ARRDC4: variants seen among roughly 807,000 people sequenced by gnomAD.
ARRDC4 encodes arrestin domain containing 4.
A neutral mutation model predicts 44.6 loss-of-function variants in ARRDC4; 40 were observed. The observed-to-expected ratio is 0.90, with a 90% CI of 0.70 to 1.17. The LOEUF is 1.17. Ranked by LOEUF, ARRDC4 falls within the 50% of genes most tolerant of loss-of-function variation. The pLI is 0.00. For missense variants in ARRDC4, 550 were observed against 559.1 expected (o/e 0.98, Z 0.16); for synonymous variants, 211 against 221.2 (o/e 0.95, Z 0.41).
rs967702690 is a variant in ARRDC4, at chr15:97,970,947, C to G, written c.1201-184C>G. 6.6e-6 allele frequency among the ~76,000 whole-genome samples: 1 copy of G among 152,048 alleles called. No homozygotes were observed. The highest frequency in any genetic ancestry group is 2.1e-4 in the South Asian group (1 of 4,820). On this transcript the variant is annotated intron_variant, in intron 7 of 7. Transcript: ENST00000268042. This position sits in a 1 kb window ranked among gnomAD's most constrained non-coding sequence, Gnocchi z 4.2. ...TCCTTGTGATCTATGGCATCAGATA[C>G]AGTATTGTGGATTGCCTTTAAGGTG...
At chr15:97,969,676 A>AG (rs1345007634) in intron 5 of ARRDC4, among the ~76,000 whole-genome samples, 1 of 152,192 alleles carries the variant, frequency 6.6e-6, no homozygotes, top group Non-Finnish European at 1.5e-5. Flanking sequence ...ATGCATGTTA[A>AG]GGACACAGTT....
At chr15:97,963,725 T>C (rs371414626) in intron 1 of ARRDC4, among the ~76,000 whole-genome samples, 2 of 152,332 alleles carry the variant, frequency 1.3e-5, no homozygotes, top group South Asian at 2.1e-4. Flanking sequence ...CCCGGTCTCT[T>C]TGAGGATTAT....
At chr15:97,969,483 C>A in intron 5 of ARRDC4, 104 bp downstream of exon 5, 1 of 1,266,468 alleles carries the variant, frequency 7.9e-7, no homozygotes, top group Non-Finnish European at 1.1e-6. Flanking sequence ...CATTTTATTT[C>A]AGCATTAACA....
At chr15:97,963,281 G>A (rs1040144712) in intron 1 of ARRDC4, among the ~76,000 whole-genome samples, 4 of 152,152 alleles carry the variant, frequency 2.6e-5, no homozygotes, top group African/African-American at 9.7e-5. Context: ...AGCAGAAATG[G>A]GCACATGGTT....
Position 97,970,270 on chromosome 15 carries a change from A to C in ARRDC4, c.1045+225A>C, listed in dbSNP as rs114082306. 1.1e-3 allele frequency among the ~76,000 whole-genome samples: 167 copies of C among 152,300 alleles called. No homozygotes were observed. Among genetic ancestry groups the C allele is most frequent in the African/African-American group, 4.0e-3 (166 of 41,568 alleles). Reference sequence around the variant, plus strand: ...GATAGCAGATTCAGGAATAAGATGTACATTTCCTAATTCCTATTTGTAATA... The same window carrying C: ...GATAGCAGATTCAGGAATAAGATGTCCATTTCCTAATTCCTATTTGTAATA... On this transcript the variant is annotated intron_variant, in intron 6 of 7. Coordinates refer to ENST00000268042, the MANE Select transcript of ARRDC4 (RefSeq NM_183376.3). The surrounding 1 kb of genome is among the most constrained non-coding windows in gnomAD (Gnocchi z 4.2).
In ARRDC4 at chr15:97,967,961, G is replaced by A; in HGVS notation, c.523-53G>A. On this transcript the variant is annotated intron_variant, in intron 3 of 7. Transcript: ENST00000268042. The surrounding 1 kb of genome is among the most constrained non-coding windows in gnomAD (Gnocchi z 5.0). The stretch of plus-strand genomic sequence containing the variant: ...AGATAGATATAATTTTAAGTTCTAT[G>A]AGTTCTCTAGAGTGGCTTAATTAAG... The A allele has an allele frequency of 8.9e-7, 1 of 1,129,220 alleles. No individual in the cohort carries two copies. Among genetic ancestry groups the A allele is most frequent in the Admixed American group, 2.4e-5 (1 of 40,896 alleles). 70.0% of individuals were successfully genotyped at this position (1,129,220 alleles called of 1,614,324 possible).
intron 1 of ARRDC4, among the ~76,000 whole-genome samples, chr15:97,961,670 G>A (rs1025019808): frequency 6.6e-6 from 1 of 152,206 alleles, no homozygotes; most frequent in Non-Finnish European, 1.5e-5. Flanking sequence ...TTCAAAGGAA[G>A]TGTTTTCCAG....
rs1212562678 is a variant in ARRDC4, at chr15:97,968,715, TATTA to T, written c.626-404_626-401del. On this transcript the variant is annotated intron_variant, in intron 4 of 7. Coordinates refer to ENST00000268042, the MANE Select transcript of ARRDC4 (RefSeq NM_183376.3). The surrounding 1 kb of genome is among the most constrained non-coding windows in gnomAD (Gnocchi z 5.4). ...GTTGATTCTTTCTGTGCCTTAACAT[TATTA>T]ATTCCTTAAAAGCAAAGGCTTTGTT... Among the ~76,000 whole-genome samples the T allele has an allele frequency of 6.6e-6, 1 of 150,380 alleles. No individual in the cohort carries two copies. Among genetic ancestry groups the T allele is most frequent in the Non-Finnish European group, 1.5e-5 (1 of 67,168 alleles).
chr15:97,971,004 A>G, intron 7 of ARRDC4, 127 bp from the exon 8 acceptor site: 1 of 1,093,670 alleles, frequency 9.1e-7, no homozygotes, highest in Non-Finnish European at 1.4e-6. Flanking sequence ...AGAGAACTTA[A>G]GCACCTTCTG....
At position 97,966,752 on chromosome 15, in the gene ARRDC4, T is replaced by G. The variant is rs573826399; in HGVS notation, c.522+710T>G. 6.6e-6 allele frequency among the ~76,000 whole-genome samples: 1 copy of G among 152,210 alleles called. No individual in the cohort carries two copies. Among genetic ancestry groups the G allele is most frequent in the Non-Finnish European group, 1.5e-5 (1 of 68,024 alleles). On this transcript the variant is annotated intron_variant, in intron 3 of 7. Transcript: ENST00000268042. The surrounding 1 kb of genome is among the most constrained non-coding windows in gnomAD (Gnocchi z 4.7). ...ATCAAAATAATATAAAATTATACCT[T>G]GTACTTTCATGATAGCTACTAGGAC...
At chr15:97,961,924 T>G (rs1200379816) in intron 1 of ARRDC4, among the ~76,000 whole-genome samples, 1 of 152,176 alleles carries the variant, frequency 6.6e-6, no homozygotes, top group Non-Finnish European at 1.5e-5. Context: ...CAGTTCACAG[T>G]GTAGACTTTT....
rs1899303608 is a variant in ARRDC4, at chr15:97,961,018, C to A, written c.157C>A (p.Arg53Ser). The A allele has an allele frequency of 7.0e-7, 1 of 1,438,174 alleles. No homozygotes were observed. Among genetic ancestry groups the A allele is most frequent in the Non-Finnish European group, 9.1e-7 (1 of 1,095,418 alleles). 89.1% of individuals were successfully genotyped at this position (1,438,174 alleles called of 1,614,324 possible). A position where few individuals can be genotyped will look rare whatever the true frequency, so the allele number is the denominator to read the frequency against. The change falls in exon 1 of 8, where the codon CGC becomes AGC. Residue 53 changes from arginine (R) to serine (S), a missense_variant. By Grantham distance (110) the Arg-to-Ser change is moderately radical. Transcript: ENST00000268042. ...LLEASEPVAL[R>S]ALRLEAQGRA... ...GGAGGCGTCCGAGCCGGTGGCCCTG[C>A]GCGCGCTGCGCCTGGAGGCCCAGGG...
rs553267091 is a variant in ARRDC4 at position 97,970,687 on chromosome 15, C to G, written c.1144C>G (p.Pro382Ala). 2 of 1,613,562 alleles carry G rather than the reference C, an allele frequency of 1.2e-6. No individual in the cohort carries two copies. Among genetic ancestry groups the G allele is most frequent in the South Asian group, 2.2e-5 (2 of 91,044 alleles). Residue 382 changes from proline (P) to alanine (A), a missense_variant, in exon 7 of 8, where the codon CCT becomes GCT. Transcript: ENST00000268042. This position sits in a 1 kb window ranked among gnomAD's most constrained non-coding sequence, Gnocchi z 4.2. The part of the protein sequence containing the change: ...PPNCEGEVCC[P>A]VFACIQEFRF... Reference sequence around the variant, plus strand: ...TAACTGTGAGGGAGAAGTGTGCTGTCCTGTGTTTGCCTGTATACAAGAATT... The same window carrying G: ...TAACTGTGAGGGAGAAGTGTGCTGTGCTGTGTTTGCCTGTATACAAGAATT...
chr15:97,961,233 C>T, intron 1 of ARRDC4, 65 bp downstream of exon 1: 3 of 1,317,226 alleles, frequency 2.3e-6, no homozygotes, highest in Non-Finnish European at 1.9e-6. Context: ...GGCTGGGAGG[C>T]CGCGCACCCT....
In ARRDC4 at chr15:97,965,288, G is replaced by T. The variant is rs1899396409; in HGVS notation, c.308-312G>T. 1.3e-5 allele frequency among the ~76,000 whole-genome samples: 2 copies of T among 152,116 alleles called. No homozygotes were observed. On this transcript the variant is annotated intron_variant, in intron 1 of 7. Transcript: ENST00000268042. The surrounding 1 kb of genome is among the most constrained non-coding windows in gnomAD (Gnocchi z 5.1). ...CTCTGGAAAGAATTATTAAAAATTAGTCAAGAACCATGGCACATGCATATA... is the reference window on the plus strand; with the variant it reads ...CTCTGGAAAGAATTATTAAAAATTATTCAAGAACCATGGCACATGCATATA...
At chr15:97,963,009 T>C (rs139939861) in intron 1 of ARRDC4, among the ~76,000 whole-genome samples, 2 of 152,358 alleles carry the variant, frequency 1.3e-5, no homozygotes, top group African/African-American at 2.4e-5. Context: ...CATATTTTTA[T>C]TGAGAAACTG....
rs377139426 is a variant in ARRDC4 at position 97,969,953 on chromosome 15, A to G, written c.953A>G (p.Tyr318Cys). The change falls in exon 6 of 8, where the codon TAT becomes TGT. Residue 318 changes from tyrosine to cysteine, a missense_variant. Coordinates refer to ENST00000268042, the MANE Select transcript of ARRDC4 (RefSeq NM_183376.3). ...ELPLVIGTIP[Y>C]NGFGSRNSSI... ...CCATTAGTGATCGGTACAATTCCAT[A>G]TAATGGTTTTGGCAGCAGAAACTCC... is the stretch of plus-strand genomic sequence containing the variant. 4.7e-5 allele frequency: 75 copies of G among 1,612,202 alleles called. 1 individual carries two copies. The highest frequency in any genetic ancestry group is 3.3e-4 in the East Asian group (15 of 44,840).
rs1179472625 is a variant in ARRDC4, at chr15:97,960,856, G to A, written c.-6G>A. ...CCTCAGGGGCAGGAAAGAGTCGCCC[G>A]GCGGGATGGGCGGGGAGGCTGGGTG... On this transcript the variant is annotated 5_prime_UTR_variant, in exon 1 of 8. Transcript: ENST00000268042. 7 of 1,348,206 alleles carry A rather than the reference G, an allele frequency of 5.2e-6. No homozygotes were observed. Among genetic ancestry groups the A allele is most frequent in the East Asian group, 6.2e-5 (2 of 32,034 alleles). The allele number at this position is 1,348,206 out of a possible 1,614,324, so 83.5% of individuals were successfully genotyped here.
At position 97,966,052 on chromosome 15, in the gene ARRDC4, TC is replaced by T; in HGVS notation, c.522+12del. 1 of 1,613,882 alleles carries T rather than the reference TC, an allele frequency of 6.2e-7. No homozygotes were observed. The highest frequency in any genetic ancestry group is 1.1e-5 in the South Asian group (1 of 91,036). ...CACACCAGCATTATTAGTAAGTTCT[TC>T]CTTTTTCTCTTCCTCCTCCTTTTCC... On this transcript the variant is annotated intron_variant, in intron 3 of 7. Coordinates refer to ENST00000268042, the MANE Select transcript of ARRDC4 (RefSeq NM_183376.3). This position sits in a 1 kb window ranked among gnomAD's most constrained non-coding sequence, Gnocchi z 4.7.
Sources: gnomAD v4.1 joint callset for allele counts (sites outside exome capture counted in the v4.1 genomes callset) on GRCh38, gnomAD v4.1.1 for gene constraint, Gnocchi (gnomAD v3.1) non-coding constraint, MANE v1.5 for transcripts, NCBI Gene and HGNC (gene_info 2026-07-23, HGNC 2026-07-21) for gene names.